The following ASIC2 variants were observed in gnomAD, a reference collection of about 807,000 sequenced individuals.
ASIC2 encodes acid-sensing ion channel 2.
In ASIC2, 25 loss-of-function variants were observed where a neutral mutation model predicts 57.3. The observed-to-expected ratio is 0.44, with a 90% confidence interval of 0.32 to 0.61. The LOEUF (loss-of-function observed/expected upper bound fraction) is 0.61. Ranked by LOEUF, ASIC2 falls within the 20% of genes least tolerant of loss-of-function variation. The pLI is 0.06. For missense variants in ASIC2, 641 were observed against 738.1 expected (o/e 0.87, Z 1.52); for synonymous variants, 319 against 307.5 (o/e 1.04, Z -0.39).
At chr17:34,119,577 G>C (rs937940802) in intron 1 of ASIC2, among the ~76,000 whole-genome samples, 12 of 151,384 alleles carry the variant, frequency 7.9e-5, no homozygotes, top group Admixed American at 7.9e-4. Context: ...CAGCTCTAAA[G>C]TCAATTCCTC....
At chr17:33,956,786 C>T (rs1384150930) in intron 1 of ASIC2, among the ~76,000 whole-genome samples, 1 of 152,230 alleles carries the variant, frequency 6.6e-6, no homozygotes, top group Non-Finnish European at 1.5e-5. Context: ...CTGAGATTCT[C>T]AAGTACTGAC....
chr17:33,543,457 C>G (rs1204767465), intron 1 of ASIC2, among the ~76,000 whole-genome samples: 1 of 152,136 alleles, frequency 6.6e-6, no homozygotes, highest in African/African-American at 2.4e-5. Context: ...CTTGAAAGTA[C>G]AGACTGTAAA....
intron 1 of ASIC2, among the ~76,000 whole-genome samples, chr17:33,727,816 A>T (rs113840054): frequency 4.6e-5 from 7 of 152,294 alleles, no homozygotes; most frequent in South Asian, 2.1e-4. Flanking sequence ...GCTAATTGAC[A>T]GGGGCTTTCT....
At chr17:33,893,052 C>T (rs1415246125) in intron 1 of ASIC2, among the ~76,000 whole-genome samples, 1 of 152,174 alleles carries the variant, frequency 6.6e-6, no homozygotes, top group Non-Finnish European at 1.5e-5. Context: ...AATTTCATTA[C>T]ACTTCAACTT....
intron 1 of ASIC2, among the ~76,000 whole-genome samples, chr17:33,911,147 T>C (rs1915454009): frequency 6.6e-6 from 1 of 152,220 alleles, no homozygotes; most frequent in South Asian, 2.1e-4. Flanking sequence ...TGAAGATCCC[T>C]TTGAGGGAGA....
At chr17:33,727,693 G>A (rs1339874871) in intron 1 of ASIC2, among the ~76,000 whole-genome samples, 1 of 152,208 alleles carries the variant, frequency 6.6e-6, no homozygotes. Flanking sequence ...AGAAGCCAAC[G>A]GATGGCCAGT....
intron 1 of ASIC2, among the ~76,000 whole-genome samples, chr17:33,373,220 G>C (rs980555407): frequency 4.6e-5 from 7 of 152,214 alleles, no homozygotes; most frequent in Non-Finnish European, 8.8e-5. Context: ...CAGAAATGCA[G>C]AGGAATAATA....
chr17:33,032,401 A>G (rs1262526179), intron 3 of ASIC2, among the ~76,000 whole-genome samples: 1 of 126,062 alleles, frequency 7.9e-6, no homozygotes, highest in Non-Finnish European at 1.7e-5. Context: ...TGTGTCATAT[A>G]TTTTACTTCT....
intron 1 of ASIC2, among the ~76,000 whole-genome samples, chr17:33,466,477 T>A (rs766604238): frequency 6.6e-6 from 1 of 151,936 alleles, no homozygotes; most frequent in Non-Finnish European, 1.5e-5. Context: ...CTCCACAGAA[T>A]TGGGAAAAAA....
chr17:34,118,238 C>CAGAG (rs1911486722), intron 1 of ASIC2: 1 of 152,124 alleles, frequency 6.6e-6, no homozygotes, highest in African/African-American at 2.4e-5. Context: ...ATAGTATACA[C>CAGAG]CTCACAGAGC....
chr17:33,956,798 T>C (rs1288142188), intron 1 of ASIC2, among the ~76,000 whole-genome samples: 1 of 152,200 alleles, frequency 6.6e-6, no homozygotes, highest in African/African-American at 2.4e-5. Flanking sequence ...AGTACTGACA[T>C]CATGGCAGAT....
chr17:33,662,633 A>AAATG (rs1567682560), intron 1 of ASIC2, among the ~76,000 whole-genome samples: 2 of 91,830 alleles, frequency 2.2e-5, no homozygotes, highest in African/African-American at 9.7e-5. Context: ...AAAAATAAAT[A>AAATG]AATAAATAAA....
At chr17:33,079,735 A>G (rs1255081843) in intron 3 of ASIC2, among the ~76,000 whole-genome samples, 1 of 152,164 alleles carries the variant, frequency 6.6e-6, no homozygotes, top group Non-Finnish European at 1.5e-5. Flanking sequence ...AGCTAGCATC[A>G]TTTGGGCACT....
intron 1 of ASIC2, among the ~76,000 whole-genome samples, chr17:33,349,820 C>T (rs1908086600): frequency 6.6e-6 from 1 of 152,126 alleles, no homozygotes; most frequent in African/African-American, 2.4e-5. Flanking sequence ...CCTGGTTTCC[C>T]ATTAGCATTT....
At chr17:34,146,386 C>T (rs1409755729) in intron 1 of ASIC2, among the ~76,000 whole-genome samples, 1 of 152,118 alleles carries the variant, frequency 6.6e-6, no homozygotes, top group East Asian at 1.9e-4. Context: ...GGTTGGGTTC[C>T]CTATCAGAGC....
chr17:33,036,974 G>T (rs1426192623), intron 3 of ASIC2, among the ~76,000 whole-genome samples: 2 of 152,026 alleles, frequency 1.3e-5, no homozygotes, highest in Non-Finnish European at 2.9e-5. Flanking sequence ...TGGGAGGAGG[G>T]AGAGGAGCAG....
At chr17:33,517,502 G>A (rs547008576) in intron 1 of ASIC2, among the ~76,000 whole-genome samples, 37 of 152,324 alleles carry the variant, frequency 2.4e-4, no homozygotes, top group African/African-American at 8.7e-4. Context: ...GCCTAGCGGA[G>A]TGATTCTAGC....
intron 1 of ASIC2, among the ~76,000 whole-genome samples, chr17:33,521,710 A>T (rs1210058245): frequency 6.6e-6 from 1 of 152,174 alleles, no homozygotes; most frequent in East Asian, 1.9e-4. Flanking sequence ...GAATTGCTCA[A>T]GTCACGTAAC....
intron 1 of ASIC2, among the ~76,000 whole-genome samples, chr17:33,870,224 G>GTT (rs869267956): frequency 0.017 from 842 of 50,116 alleles, 194 homozygotes; most frequent in East Asian, 0.03. Context: ...GAGAAATTCT[G>GTT]TTTTTTTTTT....
Sources: allele counts gnomAD v4.1 joint callset (sites outside exome capture counted in the v4.1 genomes callset), GRCh38; gene constraint gnomAD v4.1.1; transcripts MANE v1.5; gene names NCBI Gene and HGNC (gene_info 2026-07-23, HGNC 2026-07-21).